The following LRP1B variants were observed in gnomAD, a reference collection of about 807,000 sequenced individuals.
LRP1B encodes the protein LDL receptor related protein 1B.
Under a neutral mutation model 556.6 loss-of-function variants are expected in LRP1B, and 217 were observed. The observed-to-expected ratio is 0.39, with a 90% CI of 0.35 to 0.44. LRP1B has a LOEUF of 0.44. Ranked by LOEUF, LRP1B falls within the 20% of genes least tolerant of loss-of-function variation. The pLI is 1.00. For synonymous variants in LRP1B, 2,047 were observed against 1,865.8 expected (o/e 1.10, Z -2.50); for missense variants, 5,053 against 5,620.8 (o/e 0.90, Z 3.23).
intron 2 of LRP1B, among the ~76,000 whole-genome samples, chr2:141,644,123 T>C (rs898369846): frequency 5.9e-5 from 9 of 151,566 alleles, no homozygotes; most frequent in African/African-American, 2.2e-4. Flanking sequence ...AAAACCCTTT[T>C]CCCCCACACA....
chr2:141,813,952 C>T (rs966081868), intron 1 of LRP1B, among the ~76,000 whole-genome samples: 2 of 152,074 alleles, frequency 1.3e-5, no homozygotes, highest in African/African-American at 4.8e-5. Context: ...AGTGGGTTGA[C>T]TGGTCTATGA....
intron 41 of LRP1B, among the ~76,000 whole-genome samples, chr2:140,607,496 T>C (rs1682910340): frequency 6.6e-6 from 1 of 152,050 alleles, no homozygotes; most frequent in South Asian, 2.1e-4. Context: ...TTATTTGTAA[T>C]AACCAAAAGA....
At chr2:141,611,034 C>T (rs1265584696) in intron 2 of LRP1B, among the ~76,000 whole-genome samples, 1 of 152,134 alleles carries the variant, frequency 6.6e-6, no homozygotes, top group Non-Finnish European at 1.5e-5. Context: ...AAAAGCCATG[C>T]CTAATTATAC....
chr2:140,262,172 A>G (rs975170884), intron 86 of LRP1B, among the ~76,000 whole-genome samples: 1 of 152,130 alleles, frequency 6.6e-6, no homozygotes, highest in African/African-American at 2.4e-5. Flanking sequence ...GCTTCTTGGG[A>G]AAATAGAAGC....
chr2:141,938,849 C>T (rs1472962155), intron 1 of LRP1B, among the ~76,000 whole-genome samples: 3 of 151,884 alleles, frequency 2.0e-5, no homozygotes, highest in Non-Finnish European at 4.4e-5. Context: ...TTTGTGACAA[C>T]ATATATGAAT....
rs760185471 is a variant in LRP1B at position 141,893,269 on chromosome 2, C to T, written c.83-82868G>A. ...AGTCTGGAGTGGAAGGGCACGATCTCGGCTCACTGCAACCTCCACCTCCCG... is the reference window on the plus strand; with the variant it reads ...AGTCTGGAGTGGAAGGGCACGATCTTGGCTCACTGCAACCTCCACCTCCCG... On this transcript the variant is annotated intron_variant, in intron 1 of 90. Coordinates refer to ENST00000389484, the MANE Select transcript of LRP1B (RefSeq NM_018557.3). 5.3e-5 allele frequency among the ~76,000 whole-genome samples: 8 copies of T among 152,164 alleles called. No homozygotes were observed. The South Asian group carries it at 6.2e-4, about 12-fold the overall frequency.
At chr2:141,920,184 T>G (rs890413233) in intron 1 of LRP1B, among the ~76,000 whole-genome samples, 5 of 151,004 alleles carry the variant, frequency 3.3e-5, no homozygotes, top group African/African-American at 4.9e-5. Context: ...CTCAGTCTAT[T>G]AAAATTATCT....
At chr2:140,402,776 C>T (rs141635037) in intron 66 of LRP1B, among the ~76,000 whole-genome samples, 79 of 152,310 alleles carry the variant, frequency 5.2e-4, no homozygotes, top group South Asian at 1.4e-3. Flanking sequence ...ATCTGCTTTA[C>T]CTACAACTAG....
chr2:141,801,635 G>A (rs1696010866), intron 2 of LRP1B, among the ~76,000 whole-genome samples: 1 of 151,986 alleles, frequency 6.6e-6, no homozygotes, highest in Non-Finnish European at 1.5e-5. Flanking sequence ...ATTTTTCAGT[G>A]GATTTTCAAT....
At chr2:141,239,832 A>G (rs920806984) in intron 5 of LRP1B, among the ~76,000 whole-genome samples, 1 of 152,060 alleles carries the variant, frequency 6.6e-6, no homozygotes, top group Non-Finnish European at 1.5e-5. Flanking sequence ...GGAAAAAGTA[A>G]AGGTCATTTA....
intron 1 of LRP1B, among the ~76,000 whole-genome samples, chr2:142,123,792 C>G (rs1023096480): frequency 6.6e-6 from 1 of 151,356 alleles, no homozygotes; most frequent in Admixed American, 6.6e-5. Flanking sequence ...AATACACAAG[C>G]TTATATCTGA....
intron 86 of LRP1B, among the ~76,000 whole-genome samples, chr2:140,269,649 A>G (rs1682370573): frequency 6.6e-6 from 1 of 151,924 alleles, no homozygotes; most frequent in Non-Finnish European, 1.5e-5. Flanking sequence ...ATTTTATTTC[A>G]AATTGTCCAC....
At chr2:140,461,256 T>G (rs1314999523) in intron 60 of LRP1B, among the ~76,000 whole-genome samples, 1 of 152,106 alleles carries the variant, frequency 6.6e-6, no homozygotes, top group African/African-American at 2.4e-5. Context: ...TAAATTTGTT[T>G]TTCTGACTAA....
Position 140,598,681 on chromosome 2 carries a change from C to T in LRP1B, c.7144G>A (p.Gly2382Ser). 6.2e-7 allele frequency: 1 copy of T among 1,613,756 alleles called. No individual in the cohort carries two copies. The highest frequency in any genetic ancestry group is 8.5e-7 in the Non-Finnish European group (1 of 1,179,812). ...CACCTTTCAATTTTTCCTAGACTGCCATCTGAGAAATACAGCTTCTCTGCA... is the reference window on the plus strand; with the variant it reads ...CACCTTTCAATTTTTCCTAGACTGCTATCTGAGAAATACAGCTTCTCTGCA... ...YRAEKLYFSDGSLGKIERCEY... is the reference protein window; with the variant it reads ...YRAEKLYFSDSSLGKIERCEY... The change falls in exon 43 of 91, where the codon GGC becomes AGC. Residue 2382 changes from glycine (G) to serine (S), a missense_variant. Physicochemically the swap from Gly to Ser is moderately conservative, Grantham distance 56 (BLOSUM62 0). Coordinates refer to ENST00000389484, the MANE Select transcript of LRP1B (RefSeq NM_018557.3).
At chr2:140,369,038 A>C (rs182895799) in intron 71 of LRP1B, among the ~76,000 whole-genome samples, 1 of 152,064 alleles carries the variant, frequency 6.6e-6, no homozygotes, top group East Asian at 1.9e-4. Context: ...TCAGTCATTA[A>C]GATTAAATAT....
intron 32 of LRP1B, among the ~76,000 whole-genome samples, chr2:140,799,667 T>C (rs1017909243): frequency 1.3e-5 from 2 of 152,236 alleles, no homozygotes; most frequent in Non-Finnish European, 2.9e-5. Flanking sequence ...AATGTTTGCA[T>C]ATATCTCAGT....
intron 11 of LRP1B, among the ~76,000 whole-genome samples, chr2:141,028,624 A>G (rs2105410061): frequency 6.6e-6 from 1 of 152,252 alleles, no homozygotes; most frequent in African/African-American, 2.4e-5. Context: ...TCGAATGATC[A>G]AAAAATGATA....
In LRP1B at chr2:141,092,485, G is replaced by A. The variant is rs1451237188; in HGVS notation, c.1014-30212C>T. 2.6e-5 allele frequency among the ~76,000 whole-genome samples: 4 copies of A among 152,158 alleles called. No homozygotes were observed. The South Asian group carries it at 6.2e-4, about 24-fold the overall frequency. On this transcript the variant is annotated intron_variant, in intron 7 of 90. Coordinates refer to ENST00000389484, the MANE Select transcript of LRP1B (RefSeq NM_018557.3). ...ATGTACACATCTGAAAGTCAGGGAA[G>A]AGGTCCAGGTATAAGATAAAAGTAG... is the stretch of plus-strand genomic sequence containing the variant.
intron 23 of LRP1B, among the ~76,000 whole-genome samples, chr2:140,896,058 G>A (rs1048522376): frequency 4.0e-5 from 6 of 151,882 alleles, no homozygotes; most frequent in African/African-American, 1.5e-4. Context: ...GACCTCACGG[G>A]GAACCTATCT....
Sources: gnomAD v4.1 joint callset for allele counts (sites outside exome capture counted in the v4.1 genomes callset) on GRCh38, gnomAD v4.1.1 for gene constraint, MANE v1.5 for transcripts, NCBI Gene and HGNC (gene_info 2026-07-23, HGNC 2026-07-21) for gene names.